SUGCT: variants seen among roughly 807,000 people sequenced by gnomAD.
The protein encoded by SUGCT is succinyl-CoA:glutarate-CoA transferase.
A neutral mutation model predicts 55.0 loss-of-function variants in SUGCT; 41 were observed. The observed-to-expected ratio is 0.74, with a 90% CI of 0.58 to 0.97. SUGCT has a LOEUF of 0.97. SUGCT is among the 50% of genes least tolerant of loss of function. The pLI is 0.00. For synonymous variants in SUGCT, 187 were observed against 200.4 expected, an observed-to-expected ratio of 0.93 and a Z score of 0.56; for missense variants, 568 against 547.8, an observed-to-expected ratio of 1.04 and a Z score of -0.37.
intron 13 of SUGCT, among the ~76,000 whole-genome samples, chr7:40,764,934 C>G (rs1322475206): frequency 6.6e-6 from 1 of 152,098 alleles, no homozygotes; most frequent in Non-Finnish European, 1.5e-5. Flanking sequence ...CTCTAGTATT[C>G]CAATCCTAGA....
rs1797413853 is a variant in SUGCT, at chr7:40,347,990, G to C, written c.816+31135G>C. On this transcript the variant is annotated intron_variant, in intron 9 of 13. Coordinates refer to ENST00000335693, the MANE Select transcript of SUGCT (RefSeq NM_001193313.2). ...CCTCCATTTTATAAGCATATCACTT[G>C]GTACATGTGTTTCAAGGGATGGGAA... 1.3e-5 allele frequency among the ~76,000 whole-genome samples: 2 copies of C among 152,276 alleles called. 1 individual carries two copies. Among genetic ancestry groups the C allele is most frequent in the Admixed American group, 1.3e-4 (2 of 15,302 alleles).
chr7:40,918,317 C>T, the SUGCT span, among the ~76,000 whole-genome samples: 347 of 151,844 alleles, frequency 2.3e-3, no homozygotes, highest in Non-Finnish European at 3.9e-3. Context: ...AAACATTAGC[C>T]GGGCATGGTG....
At chr7:40,144,059 A>G (rs1468208445) in intron 1 of SUGCT, among the ~76,000 whole-genome samples, 2 of 151,936 alleles carry the variant, frequency 1.3e-5, no homozygotes. Flanking sequence ...ATGTTGGACA[A>G]ACTACGGCAT....
chr7:41,034,336 T>C, the SUGCT span, among the ~76,000 whole-genome samples: 2 of 152,166 alleles, frequency 1.3e-5, no homozygotes, highest in Non-Finnish European at 2.9e-5. Context: ...TCATTTTCCA[T>C]GAAAGTAAAA....
intron 6 of SUGCT, among the ~76,000 whole-genome samples, chr7:40,213,747 A>G (rs1407132064): frequency 2.0e-5 from 3 of 152,016 alleles, no homozygotes; most frequent in Admixed American, 6.6e-5. Flanking sequence ...TGACTTATGT[A>G]TATTTGTTTT....
chr7:40,296,068 G>A (rs999718151), intron 8 of SUGCT, among the ~76,000 whole-genome samples: 2 of 152,152 alleles, frequency 1.3e-5, no homozygotes, highest in Non-Finnish European at 2.9e-5. Flanking sequence ...ATATATCCTT[G>A]TTGGGCGACT....
chr7:40,896,829 G>A, the SUGCT span, among the ~76,000 whole-genome samples: 1 of 152,100 alleles, frequency 6.6e-6, no homozygotes, highest in African/African-American at 2.4e-5. Flanking sequence ...AAATTCCAAT[G>A]TCATTTTCCA....
At chr7:40,330,808 T>A (rs900140815) in intron 9 of SUGCT, among the ~76,000 whole-genome samples, 7 of 152,200 alleles carry the variant, frequency 4.6e-5, no homozygotes, top group African/African-American at 1.7e-4. Context: ...ATAATTTTCT[T>A]TTGTTCAAAT....
intron 12 of SUGCT, among the ~76,000 whole-genome samples, chr7:40,581,336 A>G (rs527318069): frequency 6.6e-6 from 1 of 152,302 alleles, no homozygotes; most frequent in African/African-American, 2.4e-5. Flanking sequence ...GAAATATGAC[A>G]CCTAAGTGAC....
chr7:40,920,169 G>A, the SUGCT span, among the ~76,000 whole-genome samples: 1 of 152,094 alleles, frequency 6.6e-6, no homozygotes, highest in East Asian at 1.9e-4. Flanking sequence ...ATGACCTTGT[G>A]TTGAAGTCAT....
chr7:40,300,457 C>G (rs6972084), intron 8 of SUGCT, among the ~76,000 whole-genome samples: 1 of 152,158 alleles, frequency 6.6e-6, no homozygotes, highest in Admixed American at 6.6e-5. Context: ...GCTAAGATAA[C>G]GATCATTGTT....
chr7:40,891,905 G>A, the SUGCT span, among the ~76,000 whole-genome samples: 1 of 152,032 alleles, frequency 6.6e-6, no homozygotes, highest in East Asian at 1.9e-4. Context: ...CTACTCGGGA[G>A]GCTGAGGCAG....
the SUGCT span, among the ~76,000 whole-genome samples, chr7:40,867,570 T>TTTA: frequency 6.6e-6 from 1 of 152,182 alleles, no homozygotes; most frequent in African/African-American, 2.4e-5. Flanking sequence ...AAAACATGCA[T>TTTA]TTATATGAAA....
At chr7:40,428,562 T>A (rs1037197467) in intron 9 of SUGCT, among the ~76,000 whole-genome samples, 1 of 150,780 alleles carries the variant, frequency 6.6e-6, no homozygotes, top group Non-Finnish European at 1.5e-5. Context: ...GTGTGTCCTG[T>A]GGGCCTTATG....
the SUGCT span, among the ~76,000 whole-genome samples, chr7:40,948,675 A>T: frequency 6.6e-6 from 1 of 150,708 alleles, no homozygotes; most frequent in Non-Finnish European, 1.5e-5. Context: ...TCATTGTTCA[A>T]CTCCCACTTA....
At chr7:40,248,911 C>A (rs1050106214) in intron 7 of SUGCT, among the ~76,000 whole-genome samples, 19 of 69,172 alleles carry the variant, frequency 2.7e-4, no homozygotes, top group African/African-American at 9.8e-4. Flanking sequence ...CACACACACG[C>A]ACACACACAC....
Position 40,322,569 on chromosome 7 carries a change from G to A in SUGCT, c.816+5714G>A, listed in dbSNP as rs145832431. ...GAGCTCACAGTTTATTGTGCTCCTG[G>A]CAAAACCACAACTCCTTCAGCTATA... On this transcript the variant is annotated intron_variant, in intron 9 of 13. Coordinates refer to ENST00000335693, the MANE Select transcript of SUGCT (RefSeq NM_001193313.2). Among the ~76,000 whole-genome samples the A allele has an allele frequency of 2.6e-4, 39 of 152,244 alleles. 1 individual carries two copies. The East Asian group carries it at 3.1e-3, about 12-fold the overall frequency.
intron 1 of SUGCT, among the ~76,000 whole-genome samples, chr7:40,177,531 A>G (rs1429377033): frequency 1.3e-5 from 2 of 152,100 alleles, no homozygotes; most frequent in Non-Finnish European, 2.9e-5. Context: ...TAGTACAATT[A>G]TTATTCATAC....
the SUGCT span, among the ~76,000 whole-genome samples, chr7:40,890,425 T>A: frequency 7.2e-6 from 1 of 139,064 alleles, no homozygotes; most frequent in Admixed American, 7.3e-5. Context: ...TATGCCCCCA[T>A]GTCCAGGCCG....
Sources: allele counts gnomAD v4.1 joint callset (sites outside exome capture counted in the v4.1 genomes callset), GRCh38; gene constraint gnomAD v4.1.1; transcripts MANE v1.5; gene names NCBI Gene and HGNC (gene_info 2026-07-23, HGNC 2026-07-21).